Variants in IRX6 observed in about 807,000 individuals in gnomAD.
IRX6 encodes the protein iroquois homeobox 6, also known as iroquois-class homeodomain protein IRX-6.
IRX6 carries 46 observed loss-of-function variants against 47.7 expected under a neutral mutation model. The ratio of observed to expected loss-of-function variants is 0.96; its 90% confidence interval spans 0.76 to 1.23. The LOEUF is 1.23. Among genes scored for constraint, IRX6 ranks in the 50% most tolerant of loss-of-function variants. IRX6 has a pLI of 0.00. For synonymous variants in IRX6, 265 were observed against 246.2 expected, an observed-to-expected ratio of 1.08 and a Z score of -0.72; for missense variants, 722 against 588.0, an observed-to-expected ratio of 1.23 and a Z score of -2.36.
Position 55,329,054 on chromosome 16 carries a change from CAG to C in IRX6, c.1077_1078del (p.Ala360GlnfsTer4). ...ATCTGGTCTCTGGCGCACACCGCGACAGCCAGCGCTGTTGAAGGTGCACCCCC... is the reference window on the plus strand; with the variant it reads ...ATCTGGTCTCTGGCGCACACCGCGACCCAGCGCTGTTGAAGGTGCACCCCC... On this transcript the variant is annotated frameshift_variant, in exon 5 of 6. Transcript: ENST00000290552. LOFTEE classifies it high-confidence loss of function. 6.2e-7 allele frequency: 1 copy of C among 1,614,072 alleles called. No individual in the cohort carries two copies. Among genetic ancestry groups the C allele is most frequent in the Non-Finnish European group, 8.5e-7 (1 of 1,180,050 alleles).
At chr16:55,325,278 C>A in intron 1 of IRX6, 142 bp downstream of exon 1, 1 of 718,256 alleles carries the variant, frequency 1.4e-6, no homozygotes, top group Admixed American at 2.4e-5. Context: ...GTCACAGCCT[C>A]CTCTGACATC....
intron 2 of IRX6, chr16:55,326,972 G>GGA (rs1960541622): frequency 9.6e-6 from 1 of 103,902 alleles, no homozygotes; most frequent in African/African-American, 5.8e-5. Context: ...GGGGTGGGGG[G>GGA]CAGTAAGGGG....
At chr16:55,328,015 C>T in intron 4 of IRX6, 122 bp downstream of exon 4, 1 of 894,426 alleles carries the variant, frequency 1.1e-6, no homozygotes, top group Non-Finnish European at 1.7e-6. Context: ...CCTTGCACTT[C>T]CCTGCCTGTC....
At chr16:55,325,157 G>A (rs1203338511) in intron 1 of IRX6, 21 bp downstream of exon 1, 1 of 1,612,818 alleles carries the variant, frequency 6.2e-7, no homozygotes, top group South Asian at 1.1e-5. Context: ...CCTCTATGGG[G>A]GATAGGGGAC....
At chr16:55,327,149 T>C in intron 2 of IRX6, 147 bp from the exon 3 acceptor site, 1 of 628,400 alleles carries the variant, frequency 1.6e-6, no homozygotes, top group Non-Finnish European at 2.9e-6. Context: ...AGGCACAGAG[T>C]GGTTAAGCCA....
chr16:55,327,996 C>T, intron 4 of IRX6, 103 bp downstream of exon 4: 5 of 1,135,036 alleles, frequency 4.4e-6, no homozygotes, highest in Non-Finnish European at 6.2e-6. Flanking sequence ...GGAAGGTCCT[C>T]AGACTTACCC....
At chr16:55,327,495 G>A (rs558306560) in intron 3 of IRX6, 90 bp downstream of exon 3, 61 of 1,570,498 alleles carry the variant, frequency 3.9e-5, no homozygotes, top group Non-Finnish European at 5.1e-5. Context: ...GGAGAGGGAG[G>A]GAGCTGAACC....
At position 55,330,434 on chromosome 16, in the gene IRX6, CA is replaced by C; in HGVS notation, c.*130del. 1 of 908,006 alleles carries C rather than the reference CA, an allele frequency of 1.1e-6. No homozygotes were observed. Among genetic ancestry groups the C allele is most frequent in the Middle Eastern group, 2.4e-4 (1 of 4,140 alleles). The allele number at this position is 908,006 out of a possible 1,614,324, so 56.2% of individuals were successfully genotyped here. On this transcript the variant is annotated 3_prime_UTR_variant, in exon 6 of 6. Coordinates refer to ENST00000290552, the MANE Select transcript of IRX6 (RefSeq NM_024335.3). ...TCACTTTGCCTAAGAGACAGACACA[CA>C]GAAACCCTCCTAGCAGCTGTCCTTG...
intron 5 of IRX6, 99 bp from the exon 6 acceptor site, chr16:55,330,199 C>A: frequency 1.9e-6 from 2 of 1,076,584 alleles, no homozygotes; most frequent in Non-Finnish European, 2.9e-6. Context: ...TGCCTCTAGA[C>A]CATTTGCTTG....
At chr16:55,328,481 C>G (rs1368185152) in intron 4 of IRX6, among the ~76,000 whole-genome samples, 1 of 152,152 alleles carries the variant, frequency 6.6e-6, no homozygotes, top group East Asian at 1.9e-4. Flanking sequence ...GAGGAGTCCG[C>G]TAAAGGGTGG....
chr16:55,326,335 G>A lies in IRX6; in HGVS notation c.46-1G>A, dbSNP rs762976667. 1 of 1,611,572 alleles carries A rather than the reference G, an allele frequency of 6.2e-7. No individual in the cohort carries two copies. The highest frequency in any genetic ancestry group is 8.5e-7 in the Non-Finnish European group (1 of 1,178,694). ...CAGTGCCCTCTTTCTTGCCCCTATA[G>A]TTTCTGGCGTCGGCAAGTTCCAGCA... On this transcript the variant is annotated splice_acceptor_variant, in intron 1 of 5. Coordinates refer to ENST00000290552, the MANE Select transcript of IRX6 (RefSeq NM_024335.3). LOFTEE classifies it high-confidence loss of function.
rs771569037 is a variant in IRX6, at chr16:55,325,042, T to C, written c.-50T>C. 4 of 1,600,238 alleles carry C rather than the reference T, an allele frequency of 2.5e-6. No homozygotes were observed. The Admixed American group carries it at 5.0e-5, about 20-fold the overall frequency. Reference sequence around the variant, plus strand: ...TGCTGGGGGCGCGGAACAGCTGGGCTGAGACGGGAACTCGACAGGGAAGAG... The same window carrying C: ...TGCTGGGGGCGCGGAACAGCTGGGCCGAGACGGGAACTCGACAGGGAAGAG... On this transcript the variant is annotated 5_prime_UTR_variant, in exon 1 of 6. Coordinates refer to ENST00000290552, the MANE Select transcript of IRX6 (RefSeq NM_024335.3).
intron 5 of IRX6, among the ~76,000 whole-genome samples, chr16:55,329,810 C>T (rs1381916694): frequency 1.3e-5 from 2 of 152,180 alleles, no homozygotes; most frequent in Non-Finnish European, 1.5e-5. Context: ...TGCTTAAGTC[C>T]AGCTTGCAGC....
In IRX6 at chr16:55,329,198, C is replaced by T. The variant is rs1266321360; in HGVS notation, c.1220C>T (p.Pro407Leu). Residue 407 changes from proline (P) to leucine (L), a missense_variant, in exon 5 of 6, where the codon CCC becomes CTC. Coordinates refer to ENST00000290552, the MANE Select transcript of IRX6 (RefSeq NM_024335.3). ...DSACDESSCI[P>L]KAFGNPKFAL... ...GCGTGCGACGAGTCTTCCTGCATAC[C>T]CAAAGCCTTTGGAAACCCCAAGTTT... is the stretch of plus-strand genomic sequence containing the variant. The T allele has an allele frequency of 6.2e-7, 1 of 1,614,130 alleles. No individual in the cohort carries two copies.
chr16:55,329,062 G>C lies in IRX6; in HGVS notation c.1084G>C (p.Ala362Pro). Residue 362 changes from alanine (A) to proline (P), a missense_variant, in exon 5 of 6, where the codon GCT becomes CCT. Physicochemically the swap from Ala to Pro is conservative, Grantham distance 27 (BLOSUM62 -1). Transcript: ENST00000290552. ...WSLAHTATASAVEGAPPARPR... is the reference protein window; with the variant it reads ...WSLAHTATASPVEGAPPARPR... ...TCTGGCGCACACCGCGACAGCCAGC[G>C]CTGTTGAAGGTGCACCCCCAGCCCG... 1 of 1,614,084 alleles carries C rather than the reference G, an allele frequency of 6.2e-7. No individual in the cohort carries two copies. Among genetic ancestry groups the C allele is most frequent in the Non-Finnish European group, 8.5e-7 (1 of 1,180,042 alleles).
Position 55,330,489 on chromosome 16 carries a change from T to C in IRX6, c.*184T>C, listed in dbSNP as rs1567341056. Reference sequence around the variant, plus strand: ...GCAGAGCTGGGGTGGTGGGCCGACTTGAACCTTAGCAGTCCCCACGGGAGA... The same window carrying C: ...GCAGAGCTGGGGTGGTGGGCCGACTCGAACCTTAGCAGTCCCCACGGGAGA... On this transcript the variant is annotated 3_prime_UTR_variant, in exon 6 of 6. Coordinates refer to ENST00000290552, the MANE Select transcript of IRX6 (RefSeq NM_024335.3). The C allele has an allele frequency of 3.1e-6, 2 of 650,872 alleles. No individual in the cohort carries two copies. The highest frequency in any genetic ancestry group is 5.1e-5 in the Admixed American group (2 of 39,028). 40.3% of individuals were successfully genotyped at this position (650,872 alleles called of 1,614,324 possible).
Position 55,327,368 on chromosome 16 carries a change from C to G in IRX6, c.376C>G (p.Pro126Ala), listed in dbSNP as rs1180660163. Reference protein sequence around the residue: ...SSLAQPGAYYPYERTLGQYQY... With the variant: ...SSLAQPGAYYAYERTLGQYQY... ...CCTGGCACAACCAGGAGCCTATTAT[C>G]CCTATGAGCGGACTCTGGGGCAGTA... The change falls in exon 3 of 6, where the codon CCC becomes GCC. Residue 126 changes from proline (P) to alanine (A), a missense_variant. Pro to Ala is a conservative substitution (Grantham distance 27, BLOSUM62 -1). Coordinates refer to ENST00000290552, the MANE Select transcript of IRX6 (RefSeq NM_024335.3). 7 of 1,613,922 alleles carry G rather than the reference C, an allele frequency of 4.3e-6. 1 individual carries two copies. The South Asian group carries it at 7.7e-5, about 18-fold the overall frequency.
chr16:55,328,031 G>A, intron 4 of IRX6, 138 bp downstream of exon 4: 1 of 792,878 alleles, frequency 1.3e-6, no homozygotes, highest in South Asian at 1.9e-5. Context: ...CTGTCTCAGA[G>A]CATTAGCCTG....
In IRX6 at chr16:55,325,559, G is replaced by A. The variant is rs28453120; in HGVS notation, c.45+423G>A. On this transcript the variant is annotated intron_variant, in intron 1 of 5. Transcript: ENST00000290552. ...AGAGAGAGAGAGAGAGAGAGAGAGA[G>A]AGAAAGAAAGAGAAAGAAAGAAAGA... Among the ~76,000 whole-genome samples the A allele has an allele frequency of 7.3e-4, 67 of 91,898 alleles. 11 individuals carry two copies. The highest frequency in any genetic ancestry group is 1.7e-3 in the African/African-American group (38 of 21,768). 60.3% of individuals were successfully genotyped at this position (91,898 alleles called of 152,430 possible).
Sources: gnomAD v4.1 joint callset for allele counts (sites outside exome capture counted in the v4.1 genomes callset) on GRCh38, gnomAD v4.1.1 for gene constraint, MANE v1.5 for transcripts, NCBI Gene and HGNC (gene_info 2026-07-23, HGNC 2026-07-21) for gene names.